SOAT1: variants seen among roughly 807,000 people sequenced by gnomAD.
SOAT1 encodes acyl-coenzyme A:cholesterol acyltransferase 1.
Under a neutral mutation model 69.5 loss-of-function variants are expected in SOAT1, and 55 were observed. The ratio of observed to expected loss-of-function variants is 0.79; its 90% CI spans 0.64 to 0.99. The LOEUF is 0.99. Ranked by LOEUF, SOAT1 falls within the 50% of genes least tolerant of loss-of-function variation. The pLI, the probability that SOAT1 is intolerant of heterozygous loss-of-function variation, is 0.00. For synonymous variants in SOAT1, 231 were observed against 224.7 expected (o/e 1.03, Z -0.25); for missense variants, 580 against 669.3 (o/e 0.87, Z 1.47).
chr1:179,326,459 T>A (rs75414800), intron 3 of SOAT1, among the ~76,000 whole-genome samples: 3,744 of 152,192 alleles, frequency 0.025, 55 homozygotes, highest in South Asian at 0.072. Context: ...GAACTTTAGG[T>A]GATTTGACTT....
chr1:179,339,645 A>G, intron 6 of SOAT1, 100 bp downstream of exon 6: 1 of 648,718 alleles, frequency 1.5e-6, no homozygotes, highest in Admixed American at 3.1e-5. Flanking sequence ...TGCTTCAGGA[A>G]ATCCTAAAGC....
Position 179,339,391 on chromosome 1 carries a change from A to G in SOAT1, c.390-47A>G, listed in dbSNP as rs376007662. 89 of 1,310,812 alleles carry G rather than the reference A, an allele frequency of 6.8e-5. 1 individual carries two copies. Among genetic ancestry groups the G allele is most frequent in the Non-Finnish European group, 8.4e-5 (79 of 938,938 alleles). The allele number at this position is 1,310,812 out of a possible 1,614,324, so 81.2% of individuals were successfully genotyped here. A position where few individuals can be genotyped will look rare whatever the true frequency, so the allele number is the denominator to read the frequency against. On this transcript the variant is annotated intron_variant, in intron 5 of 15. Transcript: ENST00000367619. ...AAGAAAAGATTTTATGGTGTTTTAA[A>G]TTTAAATATACATTATTAACTTGTT...
At chr1:179,333,892 C>T (rs1156849046) in intron 3 of SOAT1, among the ~76,000 whole-genome samples, 2 of 151,784 alleles carry the variant, frequency 1.3e-5, no homozygotes, top group African/African-American at 4.8e-5. Context: ...GTGAAAGCAG[C>T]TAGCTGAATA....
chr1:179,322,316 C>T (rs978837565), intron 2 of SOAT1, among the ~76,000 whole-genome samples: 1 of 152,034 alleles, frequency 6.6e-6, no homozygotes, highest in African/African-American at 2.4e-5. Context: ...TTTGTTTCTG[C>T]TGTTTCCCAT....
Position 179,355,427 on chromosome 1 carries a change from G to A in SOAT1, c.*1786G>A, listed in dbSNP as rs1666874308. On this transcript the variant is annotated 3_prime_UTR_variant, in exon 16 of 16. Coordinates refer to ENST00000367619, the MANE Select transcript of SOAT1 (RefSeq NM_003101.6). The stretch of plus-strand genomic sequence containing the variant: ...ATTCTTAGGTTTATATTTCTGTTAA[G>A]AAATACTATAAATATGACTCTTATG... The A allele has an allele frequency of 6.6e-6, 1 of 152,154 alleles. No individual in the cohort carries two copies. Among genetic ancestry groups the A allele is most frequent in the African/African-American group, 2.4e-5 (1 of 41,426 alleles). 9.4% of individuals were successfully genotyped at this position (152,154 alleles called of 1,614,324 possible). A position where few individuals can be genotyped will look rare whatever the true frequency, so the allele number is the denominator to read the frequency against.
intron 11 of SOAT1, among the ~76,000 whole-genome samples, chr1:179,347,083 G>T (rs1666556352): frequency 6.6e-6 from 1 of 152,040 alleles, no homozygotes; most frequent in Non-Finnish European, 1.5e-5. Flanking sequence ...GGTAGGCTGG[G>T]CGCGATGGCT....
chr1:179,319,924 T>C (rs1224790465), intron 2 of SOAT1, among the ~76,000 whole-genome samples: 2 of 152,190 alleles, frequency 1.3e-5, no homozygotes, highest in Non-Finnish European at 2.9e-5. Context: ...CCTATTTGTC[T>C]TTTTAATGTT....
chr1:179,343,282 T>C (rs1309394575), intron 9 of SOAT1, among the ~76,000 whole-genome samples: 1 of 152,156 alleles, frequency 6.6e-6, no homozygotes, highest in Non-Finnish European at 1.5e-5. Context: ...AGGAGTGCAG[T>C]GGTGCTATGT....
At chr1:179,320,439 G>GTTAT (rs1413670576) in intron 2 of SOAT1, among the ~76,000 whole-genome samples, 2 of 150,856 alleles carry the variant, frequency 1.3e-5, no homozygotes, top group Non-Finnish European at 3.0e-5. Context: ...TTCCAGCTTT[G>GTTAT]TTATTTTTTT....
intron 14 of SOAT1, 120 bp downstream of exon 14, chr1:179,350,551 T>A: frequency 1.2e-6 from 1 of 866,704 alleles, no homozygotes; most frequent in Non-Finnish European, 1.8e-6. Context: ...TTTAAGGTAG[T>A]ACTTCTTTAT....
chr1:179,316,463 CTCG>C (rs1479518507), intron 2 of SOAT1, among the ~76,000 whole-genome samples: 2 of 152,044 alleles, frequency 1.3e-5, no homozygotes, highest in African/African-American at 4.8e-5. Flanking sequence ...ATGGTATGAT[CTCG>C]GCTCACCGCA....
chr1:179,329,156 A>G (rs895712550), intron 3 of SOAT1, among the ~76,000 whole-genome samples: 2 of 152,028 alleles, frequency 1.3e-5, no homozygotes, highest in South Asian at 2.1e-4. Context: ...CCATTAAATG[A>G]TCAAACTGAT....
At chr1:179,307,175 A>G (rs894582969) in intron 2 of SOAT1, among the ~76,000 whole-genome samples, 4 of 152,214 alleles carry the variant, frequency 2.6e-5, no homozygotes, top group African/African-American at 9.6e-5. Context: ...TGCGTGGGAT[A>G]TCTGCTGCTG....
intron 3 of SOAT1, among the ~76,000 whole-genome samples, chr1:179,328,743 T>G (rs1446554661): frequency 6.6e-6 from 1 of 152,158 alleles, no homozygotes; most frequent in Non-Finnish European, 1.5e-5. Context: ...TATTTCTCCT[T>G]CTTAAAAATA....
chr1:179,338,605 G>A (rs1285697901), intron 5 of SOAT1, among the ~76,000 whole-genome samples: 1 of 152,160 alleles, frequency 6.6e-6, no homozygotes, highest in Non-Finnish European at 1.5e-5. Context: ...TTACACTGTA[G>A]TTTGAAGGAA....
In SOAT1 at chr1:179,344,116, A is replaced by G. The variant is rs552377330; in HGVS notation, c.987+481A>G. On this transcript the variant is annotated intron_variant, in intron 10 of 15. Coordinates refer to ENST00000367619, the MANE Select transcript of SOAT1 (RefSeq NM_003101.6). ...AGCCTGGGCGACAGAGCAAGACTCC[A>G]TCTAAAAAAAAAAAGAATGTATTAT... 9.9e-4 allele frequency among the ~76,000 whole-genome samples: 150 copies of G among 152,056 alleles called. 1 individual carries two copies. The highest frequency in any genetic ancestry group is 2.3e-3 in the African/African-American group (95 of 41,500).
rs771196610 is a variant in SOAT1 at position 179,335,523 on chromosome 1, T to C, written c.195T>C (p.Phe65=). The C allele has an allele frequency of 1.4e-5, 23 of 1,608,452 alleles. No individual in the cohort carries two copies. In the East Asian group the frequency reaches 4.2e-4, roughly 30 times the overall value. ...AATTCTAGGAATTGAAGCCATTTTTTATGAAGGAAGTTGGCAGTCACTTTG... is the reference window on the plus strand; with the variant it reads ...AATTCTAGGAATTGAAGCCATTTTTCATGAAGGAAGTTGGCAGTCACTTTG... ...TAEAEELKPF[F]MKEVGSHFDD... Residue 65 remains phenylalanine, a synonymous_variant, in exon 4 of 16, where the codon TTT becomes TTC. Coordinates refer to ENST00000367619, the MANE Select transcript of SOAT1 (RefSeq NM_003101.6).
At chr1:179,314,784 C>A (rs975006863) in intron 2 of SOAT1, among the ~76,000 whole-genome samples, 2 of 151,866 alleles carry the variant, frequency 1.3e-5, no homozygotes, top group African/African-American at 4.8e-5. Flanking sequence ...AAATTTTCAT[C>A]AAAACTGGTT....
At chr1:179,335,068 A>G (rs936727518) in intron 3 of SOAT1, among the ~76,000 whole-genome samples, 6 of 151,770 alleles carry the variant, frequency 4.0e-5, no homozygotes, top group Non-Finnish European at 8.8e-5. Context: ...GAATCATGGT[A>G]ATTATAACGT....
Sources: gnomAD v4.1 joint callset for allele counts (sites outside exome capture counted in the v4.1 genomes callset) on GRCh38, gnomAD v4.1.1 for gene constraint, MANE v1.5 for transcripts, NCBI Gene and HGNC (gene_info 2026-07-23, HGNC 2026-07-21) for gene names.